PACRG: variants seen among roughly 807,000 people sequenced by gnomAD.
PACRG encodes the protein parkin coregulated gene protein.
Under a neutral mutation model 29.7 loss-of-function variants are expected in PACRG, and 29 were observed. That is an observed-to-expected ratio of 0.98 (90% CI 0.73 to 1.33). The LOEUF is 1.33. Ranked by LOEUF, PACRG falls within the 40% of genes most tolerant of loss-of-function variation. The pLI is 0.00. For synonymous variants in PACRG, 116 were observed against 118.7 expected (o/e 0.98, Z 0.15); for missense variants, 279 against 316.2 (o/e 0.88, Z 0.89).
intron 4 of PACRG, among the ~76,000 whole-genome samples, chr6:163,178,367 TC>T (rs1779489498): frequency 6.6e-6 from 1 of 152,134 alleles, no homozygotes; most frequent in South Asian, 2.1e-4. Context: ...CTGCGTAGAC[TC>T]CAACTGGCAG....
In PACRG at chr6:163,062,255, G is replaced by A. The variant is rs755071236; in HGVS notation, c.397G>A (p.Asp133Asn). The A allele has an allele frequency of 2.0e-5, 32 of 1,613,972 alleles. No individual in the cohort carries two copies. Among genetic ancestry groups the A allele is most frequent in the Non-Finnish European group, 2.4e-5 (28 of 1,180,030 alleles). Reference sequence around the variant, plus strand: ...GTTTTTTGCTCGGCAAGGAATCCACGACATGCTGGAACACGGTGGGAACAA... The same window carrying A: ...GTTTTTTGCTCGGCAAGGAATCCACAACATGCTGGAACACGGTGGGAACAA... Reference protein sequence around the residue: ...YEFFARQGIHDMLEHGGNKIL... With the variant: ...YEFFARQGIHNMLEHGGNKIL... Residue 133 changes from aspartate (D) to asparagine (N), a missense_variant, in exon 3 of 5, where the codon GAC becomes AAC. Transcript: ENST00000366888.
intron 2 of PACRG, among the ~76,000 whole-genome samples, chr6:163,042,364 G>A (rs1342020014): frequency 6.6e-6 from 1 of 152,152 alleles, no homozygotes; most frequent in Non-Finnish European, 1.5e-5. Context: ...CAGTCATGGA[G>A]GAGTCAGGGT....
chr6:163,310,747 A>T (rs1339563633), intron 4 of PACRG: 1 of 152,240 alleles, frequency 6.6e-6, no homozygotes, highest in East Asian at 1.9e-4. Flanking sequence ...AGAATACATC[A>T]TCAGAATCCT....
intron 4 of PACRG, among the ~76,000 whole-genome samples, chr6:163,142,142 C>T (rs1315881662): frequency 6.6e-6 from 1 of 151,918 alleles, no homozygotes; most frequent in Non-Finnish European, 1.5e-5. Context: ...TAAATGTAGA[C>T]CATTCAATTT....
intron 2 of PACRG, among the ~76,000 whole-genome samples, chr6:162,862,481 T>A (rs938355955): frequency 2.6e-5 from 4 of 152,182 alleles, no homozygotes; most frequent in Non-Finnish European, 5.9e-5. Flanking sequence ...CAATTGATGC[T>A]AGGCACACAA....
intron 4 of PACRG, among the ~76,000 whole-genome samples, chr6:163,278,876 T>C (rs1336760515): frequency 3.9e-5 from 6 of 152,178 alleles, no homozygotes; most frequent in Admixed American, 3.9e-4. Flanking sequence ...TGAAGAATGA[T>C]GGTGGTATTT....
chr6:163,054,627 A>G (rs547846587), intron 2 of PACRG, among the ~76,000 whole-genome samples: 1 of 152,314 alleles, frequency 6.6e-6, no homozygotes, highest in South Asian at 2.1e-4. Flanking sequence ...TTGAATTTGA[A>G]TGAGTAAGAC....
At chr6:162,790,046 C>T (rs538215813) in intron 1 of PACRG, among the ~76,000 whole-genome samples, 1 of 152,088 alleles carries the variant, frequency 6.6e-6, no homozygotes, top group Non-Finnish European at 1.5e-5. Flanking sequence ...TGTGTTGTAT[C>T]TGTGGGGAGA....
At chr6:163,095,649 G>A (rs548802642) in intron 4 of PACRG, among the ~76,000 whole-genome samples, 3 of 149,994 alleles carry the variant, frequency 2.0e-5, no homozygotes, top group African/African-American at 5.1e-5. Context: ...TGTGGATGAC[G>A]CATCACTCCA....
chr6:162,736,858 CAT>C (rs1233495696), intron 1 of PACRG, among the ~76,000 whole-genome samples: 2 of 151,952 alleles, frequency 1.3e-5, no homozygotes, highest in African/African-American at 4.8e-5. Context: ...TAATATTTTA[CAT>C]GTTGTTGAAA....
chr6:163,049,613 C>T lies in PACRG; in HGVS notation c.292-12537C>T, dbSNP rs577668946. ...GATCTCTTGAAATAGGCCAATGCCT[C>T]AGTAGAGAAAAAATGGCAAAAGATA... On this transcript the variant is annotated intron_variant, in intron 2 of 4. Transcript: ENST00000366888. 2.6e-5 allele frequency among the ~76,000 whole-genome samples: 4 copies of T among 152,066 alleles called. No individual in the cohort carries two copies. The South Asian group carries it at 8.3e-4, about 32-fold the overall frequency.
At chr6:162,860,301 TA>T (rs950109640) in intron 2 of PACRG, among the ~76,000 whole-genome samples, 2 of 152,174 alleles carry the variant, frequency 1.3e-5, no homozygotes, top group African/African-American at 4.8e-5. Flanking sequence ...AATTTAAAGT[TA>T]AAAGGCCTCT....
intron 2 of PACRG, among the ~76,000 whole-genome samples, chr6:162,965,001 C>T (rs868311935): frequency 4.1e-4 from 62 of 152,300 alleles, no homozygotes; most frequent in African/African-American, 1.1e-3. Context: ...CATTGGAACT[C>T]GCTGAGCTGT....
At position 163,314,884 on chromosome 6, in the gene PACRG, T is replaced by C; in HGVS notation, c.671T>C (p.Leu224Ser). The change falls in exon 5 of 5, where the codon TTG (leucine) becomes TCG (serine). Residue 224 changes from leucine to serine, a missense_variant. By Grantham distance (145) the Leu-to-Ser change is moderately radical. Coordinates refer to ENST00000366888, the MANE Select transcript of PACRG (RefSeq NM_001080379.2). ...SQQKRENIGDLIQETLEAFER... is the reference protein window; with the variant it reads ...SQQKRENIGDSIQETLEAFER... ...CAGAAGAGGGAGAACATTGGGGACT[T>C]GATCCAGGAGACACTGGAGGCCTTC... is the stretch of plus-strand genomic sequence containing the variant. 1.2e-6 allele frequency: 2 copies of C among 1,614,204 alleles called. No individual in the cohort carries two copies. The highest frequency in any genetic ancestry group is 2.2e-5 in the South Asian group (2 of 91,088).
intron 4 of PACRG, among the ~76,000 whole-genome samples, chr6:163,213,015 T>G (rs1781216331): frequency 1.3e-5 from 2 of 152,178 alleles, no homozygotes; most frequent in Admixed American, 1.3e-4. Context: ...CCTGACCTCG[T>G]GATCCACCCG....
At chr6:162,761,267 A>G (rs961632242) in intron 1 of PACRG, among the ~76,000 whole-genome samples, 1 of 152,238 alleles carries the variant, frequency 6.6e-6, no homozygotes, top group Non-Finnish European at 1.5e-5. Context: ...ATTTGTTGGC[A>G]GTGCTAAACA....
In PACRG at chr6:163,008,627, G is replaced by T. The variant is rs374262755; in HGVS notation, c.292-53523G>T. ...AAGCCCAACGGAAAGCTTTCTACGA[G>T]AGCCTGGGCCACCAGGAACTTTATT... On this transcript the variant is annotated intron_variant, in intron 2 of 4. Coordinates refer to ENST00000366888, the MANE Select transcript of PACRG (RefSeq NM_001080379.2). Among the ~76,000 whole-genome samples the T allele has an allele frequency of 3.2e-4, 47 of 148,828 alleles. No individual in the cohort carries two copies. In the East Asian group the frequency reaches 6.7e-3, roughly 21 times the overall value.
At chr6:162,875,233 A>G (rs576190895) in intron 2 of PACRG, among the ~76,000 whole-genome samples, 2 of 152,040 alleles carry the variant, frequency 1.3e-5, no homozygotes, top group Non-Finnish European at 2.9e-5. Flanking sequence ...ACACACAGAC[A>G]TGCACAGACA....
At chr6:162,741,058 CT>C (rs1009306284) in intron 1 of PACRG, among the ~76,000 whole-genome samples, 1 of 152,076 alleles carries the variant, frequency 6.6e-6, no homozygotes, top group Admixed American at 6.5e-5. Flanking sequence ...TATTCTAATG[CT>C]GAATTATCCT....
Sources: allele counts gnomAD v4.1 joint callset (sites outside exome capture counted in the v4.1 genomes callset), GRCh38; gene constraint gnomAD v4.1.1; transcripts MANE v1.5; gene names NCBI Gene and HGNC (gene_info 2026-07-23, HGNC 2026-07-21).